SYNE1: variants seen among roughly 807,000 people sequenced by gnomAD.
The protein encoded by SYNE1 is spectrin repeat containing nuclear envelope protein 1, also known as nesprin-1.
In SYNE1, 616 loss-of-function variants were observed where a neutral mutation model predicts 1,111.0. That is an observed-to-expected ratio of 0.55 (90% confidence interval 0.52 to 0.59). The LOEUF is 0.59. SYNE1 is among the 20% of genes least tolerant of loss of function. SYNE1 has a pLI of 0.00. For missense variants in SYNE1, 10,006 were observed against 10,417.0 expected, an observed-to-expected ratio of 0.96 and a Z score of 1.72; for synonymous variants, 3,855 against 3,825.8, an observed-to-expected ratio of 1.01 and a Z score of -0.28.
intron 62 of SYNE1, among the ~76,000 whole-genome samples, chr6:152,365,933 C>T (rs1050697447): frequency 1.1e-4 from 16 of 152,332 alleles, no homozygotes; most frequent in Middle Eastern, 3.4e-3. Context: ...TCACACACTA[C>T]GCTGTTCTTT....
intron 42 of SYNE1, among the ~76,000 whole-genome samples, chr6:152,412,284 T>G (rs896870697): frequency 5.3e-5 from 8 of 151,742 alleles, no homozygotes; most frequent in African/African-American, 1.7e-4. Flanking sequence ...ATTAGCTGGG[T>G]GTGGTGGCGG....
chr6:152,442,051 T>C (rs545874539), intron 31 of SYNE1, 24 bp downstream of exon 31: 10 of 1,613,644 alleles, frequency 6.2e-6, no homozygotes, highest in Middle Eastern at 1.7e-4. Context: ...TCTGTTTAAA[T>C]GGCCCCTAAC....
chr6:152,269,428 A>C, intron 98 of SYNE1, 142 bp from the exon 99 acceptor site: 1 of 1,267,624 alleles, frequency 7.9e-7, no homozygotes, highest in Non-Finnish European at 1.1e-6. Context: ...TTTTAAAAAA[A>C]ACAGTAACAC....
intron 3 of SYNE1, among the ~76,000 whole-genome samples, chr6:152,577,942 C>T (rs2099505639): frequency 6.6e-6 from 1 of 152,144 alleles, no homozygotes; most frequent in Non-Finnish European, 1.5e-5. Flanking sequence ...ACAAACTCCA[C>T]ATCTTCTCTA....
rs561648669 is a variant in SYNE1 at position 152,466,046 on chromosome 6, T to G, written c.1665A>C (p.Gln555His). 73 of 1,612,296 alleles carry G rather than the reference T, an allele frequency of 4.5e-5. No homozygotes were observed. The highest frequency in any genetic ancestry group is 6.1e-5 in the Non-Finnish European group (72 of 1,178,734). ...TCAAGATCTGGTATGTCACCTCATATTGTTCAAAGAACTTGCTATTTTCTA... is the reference window on the plus strand; with the variant it reads ...TCAAGATCTGGTATGTCACCTCATAGTGTTCAAAGAACTTGCTATTTTCTA... Reference protein sequence around the residue: ...SFIENSKFFEQYEVTYQILKQ... With the variant: ...SFIENSKFFEHYEVTYQILKQ... The change falls in exon 17 of 146, where the codon CAA (glutamine) becomes CAC (histidine). Residue 555 changes from glutamine (Q) to histidine (H), a missense_variant. Gln to His is a conservative substitution (Grantham distance 24, BLOSUM62 0). Around this residue, in one of 7 missense-constraint regions of SYNE1, gnomAD observed 1,971 missense variants for 2,084.1 expected, o/e 0.95. Coordinates refer to ENST00000367255, the MANE Select transcript of SYNE1 (RefSeq NM_182961.4).
rs1240266577 is a variant in SYNE1, at chr6:152,362,260, A to G, written c.10209T>C (p.Gly3403=). 3.1e-6 allele frequency: 5 copies of G among 1,614,208 alleles called. No homozygotes were observed. The highest frequency in any genetic ancestry group is 4.2e-6 in the Non-Finnish European group (5 of 1,180,046). ...SYQDGVRQFS[G]WMDSMEANLN... ...GGTTGGCTTCCATACTATCCATCCA[A>G]CCGGAGAACTGTCGAACGCCATCCT... Residue 3403 remains glycine, a synonymous_variant, in exon 64 of 146, where the codon GGT becomes GGC. Transcript: ENST00000367255.
chr6:152,513,716 T>G (rs1439088175), intron 6 of SYNE1, among the ~76,000 whole-genome samples: 2 of 152,138 alleles, frequency 1.3e-5, no homozygotes, highest in Non-Finnish European at 2.9e-5. Context: ...GAGAAAATTT[T>G]TGCAATCTAT....
At chr6:152,421,083 T>C (rs1267718928) in intron 39 of SYNE1, among the ~76,000 whole-genome samples, 2 of 152,210 alleles carry the variant, frequency 1.3e-5, no homozygotes, top group Non-Finnish European at 2.9e-5. Context: ...CAGAAAAACT[T>C]TATAGAACCA....
At chr6:152,227,063 G>T (rs545374803) in intron 115 of SYNE1, among the ~76,000 whole-genome samples, 2 of 152,220 alleles carry the variant, frequency 1.3e-5, no homozygotes, top group Non-Finnish European at 2.9e-5. Context: ...ATTGAAATTG[G>T]ATAGTGCTGC....
At chr6:152,243,328 T>C (rs1003439934) in intron 106 of SYNE1, among the ~76,000 whole-genome samples, 1 of 152,230 alleles carries the variant, frequency 6.6e-6, no homozygotes, top group Non-Finnish European at 1.5e-5. Context: ...GGGAGTTTAA[T>C]GTGAGCAGAA....
At chr6:152,207,504 G>A (rs1477476617) in intron 125 of SYNE1, among the ~76,000 whole-genome samples, 1 of 152,152 alleles carries the variant, frequency 6.6e-6, no homozygotes, top group African/African-American at 2.4e-5. Context: ...ATACACTGGG[G>A]AGAACTCACT....
intron 3 of SYNE1, among the ~76,000 whole-genome samples, chr6:152,568,210 T>C (rs2099423756): frequency 6.6e-6 from 1 of 150,512 alleles, no homozygotes; most frequent in Admixed American, 6.6e-5. Flanking sequence ...ATATCCAACA[T>C]ATTATAAACA....
intron 21 of SYNE1, among the ~76,000 whole-genome samples, chr6:152,459,900 A>G (rs1257694075): frequency 1.3e-5 from 2 of 152,244 alleles, no homozygotes; most frequent in African/African-American, 4.8e-5. Flanking sequence ...ATGTATGAAG[A>G]AACGTTTTTA....
At position 152,458,840 on chromosome 6, in the gene SYNE1, C is replaced by A. The variant is rs759024396; in HGVS notation, c.2485G>T (p.Asp829Tyr). 1.2e-6 allele frequency: 2 copies of A among 1,614,036 alleles called. No homozygotes were observed. Among genetic ancestry groups the A allele is most frequent in the African/African-American group, 2.7e-5 (2 of 75,020 alleles). The change falls in exon 22 of 146, where the codon GAC becomes TAC. Residue 829 changes from aspartate to tyrosine, a missense_variant. Physicochemically the swap from Asp to Tyr is radical, Grantham distance 160. Coordinates refer to ENST00000367255, the MANE Select transcript of SYNE1 (RefSeq NM_182961.4). ...ELEKQMTSFYDSLGKINEIIT... is the reference protein window; with the variant it reads ...ELEKQMTSFYYSLGKINEIIT... ...ATTTCATTGATTTTCCCAAGTGAGT[C>A]ATAAAAGGACGTCATCTGCTTTTCT... is the stretch of plus-strand genomic sequence containing the variant.
chr6:152,239,598 C>A lies in SYNE1; in HGVS notation c.20002G>T (p.Ala6668Ser), dbSNP rs770873356. ...CGTTTCAGTACAGCAGAAGCCTGAGCCATCAGCTCTGTATGGAACTGGGTT... is the reference window on the plus strand; with the variant it reads ...CGTTTCAGTACAGCAGAAGCCTGAGACATCAGCTCTGTATGGAACTGGGTT... ...KETQFHTELMAQASAVLKRAH... is the reference protein window; with the variant it reads ...KETQFHTELMSQASAVLKRAH... Residue 6668 changes from alanine (A) to serine (S), a missense_variant, in exon 108 of 146, where the codon GCT becomes TCT. By Grantham distance (99) the Ala-to-Ser change is moderately conservative. Coordinates refer to ENST00000367255, the MANE Select transcript of SYNE1 (RefSeq NM_182961.4). 6.2e-7 allele frequency: 1 copy of A among 1,614,178 alleles called. No individual in the cohort carries two copies. Among genetic ancestry groups the A allele is most frequent in the East Asian group, 2.2e-5 (1 of 44,876 alleles).
chr6:152,377,632 AAAAAAAAAATAT>A (rs1167586349), intron 56 of SYNE1, among the ~76,000 whole-genome samples: 92 of 85,296 alleles, frequency 1.1e-3, no homozygotes, highest in Non-Finnish European at 1.5e-3. Context: ...AAAAAAAAAA[AAAAAAAAAATAT>A]ATATATATAT....
rs1484236534 is a variant in SYNE1, at chr6:152,373,072, G to T, written c.9472C>A (p.His3158Asn). Residue 3158 changes from histidine (H) to asparagine (N), a missense_variant, in exon 59 of 146, where the codon CAT becomes AAT. His to Asn is a moderately conservative substitution (Grantham distance 68). Coordinates refer to ENST00000367255, the MANE Select transcript of SYNE1 (RefSeq NM_182961.4). Reference sequence around the variant, plus strand: ...GATTCTTTTTGGTGGAGATTTGAATGAAAATTTTTCCAATCTTCTTTTGCA... The same window carrying T: ...GATTCTTTTTGGTGGAGATTTGAATTAAAATTTTTCCAATCTTCTTTTGCA... The part of the protein sequence containing the change: ...TAAKEDWKNF[H>N]SNLHQKESAL... 2.4e-5 allele frequency: 38 copies of T among 1,614,010 alleles called. No individual in the cohort carries two copies. The highest frequency in any genetic ancestry group is 3.1e-5 in the Non-Finnish European group (36 of 1,180,024).
At chr6:152,134,732 T>C (rs2056669028) in intron 142 of SYNE1, 2 of 249,428 alleles carry the variant, frequency 8.0e-6, no homozygotes, top group East Asian at 1.1e-4. Flanking sequence ...CTCATTCTAT[T>C]CTAATATTTT....
chr6:152,148,160 G>A lies in SYNE1; in HGVS notation c.24861C>T (p.His8287=), dbSNP rs202207154. The part of the protein sequence containing the change: ...SVDSIPLEWD[H]DYDLSRDLES... ...CCAGGTCCCGACTGAGGTCATAGTC[G>A]TGATCCCACTCCAGGGGGATGGAGT... is the stretch of plus-strand genomic sequence containing the variant. The change falls in exon 137 of 146, where the codon CAC becomes CAT. Residue 8287 remains histidine, a synonymous_variant. Coordinates refer to ENST00000367255, the MANE Select transcript of SYNE1 (RefSeq NM_182961.4). This position sits in a 1 kb window ranked among gnomAD's most constrained non-coding sequence, Gnocchi z 4.1. 1.5e-4 allele frequency: 237 copies of A among 1,614,194 alleles called. No homozygotes were observed. The East Asian group carries it at 2.5e-3, about 17-fold the overall frequency.
Sources: allele counts gnomAD v4.1 joint callset (sites outside exome capture counted in the v4.1 genomes callset), GRCh38; gene constraint gnomAD v4.1.1; regional missense constraint gnomAD v4.1.1; non-coding constraint Gnocchi (gnomAD v3.1); transcripts MANE v1.5; gene names NCBI Gene and HGNC (gene_info 2026-07-23, HGNC 2026-07-21).